Variants in FGD4 observed in about 807,000 individuals in gnomAD.
The protein encoded by FGD4 is FYVE, RhoGEF and PH domain-containing protein 4.
A neutral mutation model predicts 102.0 loss-of-function variants in FGD4; 42 were observed. The ratio of observed to expected loss-of-function variants is 0.41; its 90% CI spans 0.32 to 0.53. FGD4 has a LOEUF of 0.53. Ranked by LOEUF, FGD4 falls within the 20% of genes least tolerant of loss-of-function variation. The probability of loss-of-function intolerance (pLI) is 0.21; values close to 1 mark genes in which losing one functional copy is unlikely to be tolerated. For missense variants in FGD4, 902 were observed against 1,078.2 expected (o/e 0.84, Z 2.29); for synonymous variants, 380 against 375.7 (o/e 1.01, Z -0.13).
intron 1 of FGD4, among the ~76,000 whole-genome samples, chr12:32,442,193 A>G (rs1418880807): frequency 6.6e-6 from 1 of 151,964 alleles, no homozygotes. Flanking sequence ...AGCTGGGACA[A>G]CAGGCATGTG....
rs528628927 is a variant in FGD4 at position 32,638,777 on chromosome 12, C to T, written c.2436C>T (p.Tyr812=). 20 of 1,613,974 alleles carry T rather than the reference C, an allele frequency of 1.2e-5. No homozygotes were observed. Among genetic ancestry groups the T allele is most frequent in the Non-Finnish European group, 1.6e-5 (19 of 1,179,992 alleles). The change falls in exon 16 of 17, where the codon TAC becomes TAT. Residue 812 remains tyrosine (Y), a synonymous_variant. Coordinates refer to ENST00000534526, the MANE Select transcript of FGD4 (RefSeq NM_001370298.3). ...CCAAGCAAGACCCTCTTGTGCTGTA[C>T]ATGTATGGTGCCCCCCAGGTATCTA... ...VIPKQDPLVL[Y]MYGAPQDVRA...
chr12:32,553,688 C>T (rs1056211289), intron 1 of FGD4, among the ~76,000 whole-genome samples: 1 of 152,178 alleles, frequency 6.6e-6, no homozygotes, highest in Admixed American at 6.5e-5. Flanking sequence ...AGATCTCAAG[C>T]CATTTGCTTT....
intron 10 of FGD4, among the ~76,000 whole-genome samples, chr12:32,618,352 T>G (rs1178848128): frequency 6.6e-6 from 1 of 152,170 alleles, no homozygotes; most frequent in Non-Finnish European, 1.5e-5. Flanking sequence ...TCCTGAGAAG[T>G]CCTTGATAGA....
chr12:32,413,454 G>A (rs1407988321), intron 1 of FGD4, among the ~76,000 whole-genome samples: 1 of 152,138 alleles, frequency 6.6e-6, no homozygotes, highest in Non-Finnish European at 1.5e-5. Context: ...CAGTATGTTA[G>A]CAGTATTGGT....
At chr12:32,418,169 G>C (rs1379621377) in intron 1 of FGD4, among the ~76,000 whole-genome samples, 1 of 151,874 alleles carries the variant, frequency 6.6e-6, no homozygotes, top group Non-Finnish European at 1.5e-5. Context: ...TGTTAGCCAG[G>C]ATGGTCTTGA....
chr12:32,558,533 G>A (rs1239119331), intron 1 of FGD4, among the ~76,000 whole-genome samples: 1 of 152,200 alleles, frequency 6.6e-6, no homozygotes, highest in Non-Finnish European at 1.5e-5. Flanking sequence ...GCAATGGATA[G>A]CCAAAGAGAG....
chr12:32,598,510 A>G lies in FGD4; in HGVS notation c.1025A>G (p.Gln342Arg), dbSNP rs1948087814. The stretch of plus-strand genomic sequence containing the variant: ...TCCAATTTTTAGGAGACTAATGAGC[A>G]AAAACTTCACAAAATAGCCAATGAA... Reference protein sequence around the residue: ...QHHEMKETNEQKLHKIANELL... With the variant: ...QHHEMKETNERKLHKIANELL... The change falls in exon 5 of 17, where the codon CAA (glutamine) becomes CGA (arginine). Residue 342 changes from glutamine (Q) to arginine (R), a missense_variant. Around this residue, in one of 2 missense-constraint regions of FGD4, gnomAD observed 443 missense variants for 459.2 expected, o/e 0.96. Coordinates refer to ENST00000534526, the MANE Select transcript of FGD4 (RefSeq NM_001370298.3). 6.2e-7 allele frequency: 1 copy of G among 1,613,156 alleles called. No homozygotes were observed. The highest frequency in any genetic ancestry group is 2.2e-5 in the East Asian group (1 of 44,816).
intron 1 of FGD4, among the ~76,000 whole-genome samples, chr12:32,493,062 T>A (rs1660687315): frequency 6.6e-6 from 1 of 152,132 alleles, no homozygotes; most frequent in African/African-American, 2.4e-5. Context: ...TCTGAGGTCA[T>A]TGCATAGGGT....
chr12:32,587,198 A>G (rs1947118902), intron 4 of FGD4, among the ~76,000 whole-genome samples: 1 of 148,490 alleles, frequency 6.7e-6, no homozygotes, highest in African/African-American at 2.6e-5. Flanking sequence ...AAAAAAAAAA[A>G]AAAAAAAAAA....
intron 1 of FGD4, among the ~76,000 whole-genome samples, chr12:32,547,972 C>T (rs1226885773): frequency 6.6e-6 from 1 of 152,166 alleles, no homozygotes; most frequent in Admixed American, 6.5e-5. Context: ...TCCCAAAGTG[C>T]TAGGATTACA....
chr12:32,457,131 G>GT (rs1565751309), intron 1 of FGD4, among the ~76,000 whole-genome samples: 2 of 152,092 alleles, frequency 1.3e-5, no homozygotes, highest in South Asian at 2.1e-4. Flanking sequence ...TCTATCCTCA[G>GT]TTTTTTATTT....
At chr12:32,419,011 G>C (rs2087166) in intron 1 of FGD4, among the ~76,000 whole-genome samples, 1 of 152,180 alleles carries the variant, frequency 6.6e-6, no homozygotes, top group East Asian at 1.9e-4. Context: ...CTGGCTTATG[G>C]GGGGGTTCTG....
At position 32,506,165 on chromosome 12, in the gene FGD4, T is replaced by G. The variant is rs947257098; in HGVS notation, c.167-57972T>G. Among the ~76,000 whole-genome samples the G allele has an allele frequency of 1.3e-5, 2 of 152,184 alleles. No individual in the cohort carries two copies. The highest frequency in any genetic ancestry group is 2.9e-5 in the Non-Finnish European group (2 of 68,032). On this transcript the variant is annotated intron_variant, in intron 1 of 16. Coordinates refer to ENST00000534526, the MANE Select transcript of FGD4 (RefSeq NM_001370298.3). This position sits in a 1 kb window ranked among gnomAD's most constrained non-coding sequence, Gnocchi z 4.5. The stretch of plus-strand genomic sequence containing the variant: ...CAGCTTAACATCCTACACTGTTGTC[T>G]TTAAGAGGAGCACAACATTGGGGTG...
intron 1 of FGD4, among the ~76,000 whole-genome samples, chr12:32,444,181 A>T (rs1245364762): frequency 1.3e-5 from 2 of 151,282 alleles, no homozygotes; most frequent in Non-Finnish European, 2.9e-5. Context: ...GAGCCACCAC[A>T]CCTGGCACAT....
chr12:32,561,075 G>GTTTTTT (rs1218919677), intron 1 of FGD4, among the ~76,000 whole-genome samples: 11 of 85,180 alleles, frequency 1.3e-4, no homozygotes, highest in East Asian at 6.9e-4. Context: ...GTTGGGTTTT[G>GTTTTTT]TTTTTTTTTT....
chr12:32,524,395 CA>C (rs959203100), intron 1 of FGD4, among the ~76,000 whole-genome samples: 6,836 of 69,202 alleles, frequency 0.099, 75 homozygotes, highest in South Asian at 0.15. Context: ...GACTCTGTCT[CA>C]AAAAAAAAAA....
chr12:32,550,670 CA>C (rs71447606), intron 1 of FGD4, among the ~76,000 whole-genome samples: 20,238 of 88,938 alleles, frequency 0.23, 1,333 homozygotes, highest in African/African-American at 0.3. Flanking sequence ...GACACTGTCT[CA>C]AAAAAAAAAA....
intron 1 of FGD4, among the ~76,000 whole-genome samples, chr12:32,463,003 A>G (rs1225334341): frequency 6.6e-6 from 1 of 152,240 alleles, no homozygotes; most frequent in South Asian, 2.1e-4. Flanking sequence ...GGCTTGTGTT[A>G]ACTCACATCA....
chr12:32,561,394 G>A (rs1360809149), intron 1 of FGD4, among the ~76,000 whole-genome samples: 1 of 151,878 alleles, frequency 6.6e-6, no homozygotes, highest in East Asian at 1.9e-4. Flanking sequence ...GCCCAAATGT[G>A]GTTTCTAATC....
Sources: allele counts gnomAD v4.1 joint callset (sites outside exome capture counted in the v4.1 genomes callset), GRCh38; gene constraint gnomAD v4.1.1; regional missense constraint gnomAD v4.1.1; non-coding constraint Gnocchi (gnomAD v3.1); transcripts MANE v1.5; gene names NCBI Gene and HGNC (gene_info 2026-07-23, HGNC 2026-07-21).